IL3RA: variants seen among roughly 807,000 people sequenced by gnomAD.
IL3RA encodes interleukin-3 receptor subunit alpha.
Under a neutral mutation model 52.3 loss-of-function variants are expected in IL3RA, and 73 were observed. The observed-to-expected ratio is 1.40, with a 90% CI of 1.16 to 1.70. IL3RA has a LOEUF of 1.70. IL3RA is among the 40% of genes most tolerant of loss of function. The pLI, the probability that IL3RA is intolerant of heterozygous loss-of-function variation, is 0.00. For missense variants in IL3RA, 664 were observed against 504.4 expected (o/e 1.32, Z -3.03); for synonymous variants, 260 against 194.0 (o/e 1.34, Z -2.83).
intron 10 of IL3RA, among the ~76,000 whole-genome samples, chrX:1,380,566 GA>G: frequency 4.2e-5 from 1 of 23,782 alleles, no homozygotes. Flanking sequence ...GAGGAGAGGC[GA>G]GGGGGAGGGT....
chrX:1,338,367 A>G (rs1275249998), intron 1 of IL3RA, among the ~76,000 whole-genome samples: 7 of 151,814 alleles, frequency 4.6e-5, no homozygotes, highest in African/African-American at 1.7e-4. Context: ...TACCCCATCT[A>G]TAGATGAATG....
intron 6 of IL3RA, 63 bp from the exon 7 acceptor site, chrX:1,356,154 AAGAG>A: frequency 9.5e-7 from 1 of 1,051,852 alleles, no homozygotes; most frequent in Non-Finnish European, 1.4e-6. Context: ...CAGAAAAAAA[AAGAG>A]AAAAAGAAAA....
intron 1 of IL3RA, 96 bp from the exon 2 acceptor site, chrX:1,341,632 G>A: frequency 1.1e-6 from 1 of 901,482 alleles, no homozygotes; most frequent in Non-Finnish European, 1.8e-6. Context: ...TCCTTCTGCT[G>A]TGAGCACCAG....
At chrX:1,344,721 T>C (rs750225359) in intron 2 of IL3RA, among the ~76,000 whole-genome samples, 7 of 150,548 alleles carry the variant, frequency 4.6e-5, no homozygotes, top group South Asian at 4.2e-4. Context: ...TGCGGTGAGC[T>C]GAGATCGTGC....
Position 1,367,800 on chromosome X carries a change from C to G in IL3RA, c.874+2548C>G, listed in dbSNP as rs753532613. 8.4e-3 allele frequency among the ~76,000 whole-genome samples: 664 copies of G among 79,056 alleles called. 3 individuals carry two copies. The highest frequency in any genetic ancestry group is 0.036 in the Middle Eastern group (4 of 110). The allele number at this position is 79,056 out of a possible 152,430, so 51.9% of individuals were successfully genotyped here. A position where few individuals can be genotyped will look rare whatever the true frequency, so the allele number is the denominator to read the frequency against. ...GGTGCGCGGGCTGAGCGGGGTGCGC[C>G]GGGTGAGCGGGGTGCGCGGGGTGAG... On this transcript the variant is annotated intron_variant, in intron 9 of 11. Coordinates refer to ENST00000331035, the MANE Select transcript of IL3RA (RefSeq NM_002183.4).
chrX:1,355,586 G>A (rs1489603267), intron 6 of IL3RA, among the ~76,000 whole-genome samples: 8 of 151,238 alleles, frequency 5.3e-5, no homozygotes, highest in African/African-American at 1.9e-4. Flanking sequence ...GGATGTGGAA[G>A]TGCCTGGGGT....
rs1285976047 is a variant in IL3RA at position 1,367,212 on chromosome X, A to C, written c.874+1960A>C. ...CGGGGTGCGCCGGGTGAGCGGGGTG[A>C]GCGGGGTGAGCCGGGTGCGCGGGGT... On this transcript the variant is annotated intron_variant, in intron 9 of 11. Coordinates refer to ENST00000331035, the MANE Select transcript of IL3RA (RefSeq NM_002183.4). Among the ~76,000 whole-genome samples, 2 of 31,576 alleles carry C rather than the reference A, an allele frequency of 6.3e-5. 1 individual carries two copies. The highest frequency in any genetic ancestry group is 4.2e-4 in the African/African-American group (2 of 4,802). 20.7% of individuals were successfully genotyped at this position (31,576 alleles called of 152,430 possible). A position where few individuals can be genotyped will look rare whatever the true frequency, so the allele number is the denominator to read the frequency against.
intron 9 of IL3RA, among the ~76,000 whole-genome samples, chrX:1,370,541 C>T (rs1446429726): frequency 1.4e-4 from 2 of 14,156 alleles, no homozygotes; most frequent in Non-Finnish European, 2.4e-4. Context: ...GAGATGAGGA[C>T]ACAGACACAC....
chrX:1,361,616 G>A (rs1206098853), intron 8 of IL3RA, among the ~76,000 whole-genome samples: 20 of 151,964 alleles, frequency 1.3e-4, no homozygotes, highest in Non-Finnish European at 2.5e-4. Context: ...CAGACGTGGT[G>A]GTGGCAGGCG....
chrX:1,368,589 T>TA (rs1467827594), intron 9 of IL3RA, among the ~76,000 whole-genome samples: 16 of 152,258 alleles, frequency 1.1e-4, no homozygotes, highest in African/African-American at 3.4e-4. Context: ...TTGGGGTGTT[T>TA]AAAGAGGCGA....
At chrX:1,362,661 C>T (rs1394737268) in intron 8 of IL3RA, among the ~76,000 whole-genome samples, 9 of 152,272 alleles carry the variant, frequency 5.9e-5, no homozygotes, top group Middle Eastern at 3.4e-3. Flanking sequence ...GGATCCTTCC[C>T]GCTTCTCCCA....
Position 1,378,719 on chromosome X carries a change from T to C in IL3RA, c.935T>C (p.Leu312Pro). The C allele has an allele frequency of 6.2e-7, 1 of 1,612,628 alleles. No homozygotes were observed. The highest frequency in any genetic ancestry group is 1.3e-5 in the African/African-American group (1 of 75,022). The change falls in exon 10 of 12, where the codon CTG becomes CCG. Residue 312 changes from leucine to proline, a missense_variant. Physicochemically the swap from Leu to Pro is moderately conservative, Grantham distance 98 (BLOSUM62 -3). Coordinates refer to ENST00000331035, the MANE Select transcript of IL3RA (RefSeq NM_002183.4). Reference protein sequence around the residue: ...RAWRTSLLIALGTLLALVCVF... With the variant: ...RAWRTSLLIAPGTLLALVCVF... ...TGGCGGACGTCGCTGCTGATCGCGC[T>C]GGGGACGCTGCTGGCCCTGGTCTGT... is the stretch of plus-strand genomic sequence containing the variant.
chrX:1,344,388 C>G (rs1261564681), intron 2 of IL3RA, among the ~76,000 whole-genome samples: 2 of 151,784 alleles, frequency 1.3e-5, no homozygotes, highest in African/African-American at 2.4e-5. Flanking sequence ...GAGCCGAGAT[C>G]GCGCCACTGA....
chrX:1,380,273 C>T (rs2089080712), intron 10 of IL3RA, among the ~76,000 whole-genome samples: 1 of 149,888 alleles, frequency 6.7e-6, no homozygotes, highest in Non-Finnish European at 1.5e-5. Context: ...GTTGATCTGC[C>T]CGCCTGGGCC....
intron 3 of IL3RA, among the ~76,000 whole-genome samples, chrX:1,347,601 C>T (rs760697129): frequency 2.9e-4 from 44 of 151,216 alleles, no homozygotes; most frequent in East Asian, 9.7e-4. Flanking sequence ...CCTGGGCAAG[C>T]GGAGTGAGGC....
intron 11 of IL3RA, among the ~76,000 whole-genome samples, chrX:1,382,178 T>C (rs1428995097): frequency 4.5e-5 from 3 of 66,206 alleles, no homozygotes; most frequent in African/African-American, 2.4e-4. Flanking sequence ...CTGGATCTCC[T>C]GACCTTATGG....
intron 1 of IL3RA, 113 bp from the exon 2 acceptor site, chrX:1,341,615 A>G (rs2085500619): frequency 2.6e-6 from 2 of 766,612 alleles, no homozygotes; most frequent in Admixed American, 5.1e-5. Context: ...TTCCCTCCAG[A>G]AGCAGCTCCT....
intron 10 of IL3RA, among the ~76,000 whole-genome samples, chrX:1,379,511 CT>C (rs2089027368): frequency 6.6e-6 from 1 of 152,204 alleles, no homozygotes; most frequent in Admixed American, 6.6e-5. Flanking sequence ...TAGCTGCCCC[CT>C]GCCAGGAGGT....
chrX:1,359,351 CCT>C (rs1415696898), intron 8 of IL3RA, among the ~76,000 whole-genome samples: 4 of 152,120 alleles, frequency 2.6e-5, no homozygotes, highest in Non-Finnish European at 4.4e-5. Context: ...TCCCCCAGCC[CCT>C]GCCTGGGATC....
Sources: gnomAD v4.1 joint callset for allele counts (sites outside exome capture counted in the v4.1 genomes callset) on GRCh38, gnomAD v4.1.1 for gene constraint, MANE v1.5 for transcripts, NCBI Gene and HGNC (gene_info 2026-07-23, HGNC 2026-07-21) for gene names.